COX7B2: variants seen among roughly 807,000 people sequenced by gnomAD.
COX7B2 encodes the protein cytochrome c oxidase subunit 7B2, also known as cytochrome c oxidase subunit 7B2, mitochondrial.
For missense variants in COX7B2, 109 were observed against 95.9 expected, an observed-to-expected ratio of 1.14 and a Z score of -0.57; for synonymous variants, 37 against 32.1, an observed-to-expected ratio of 1.15 and a Z score of -0.51.
At position 46,765,496 on chromosome 4, in the gene COX7B2, C is replaced by T. The variant is rs1387557729; in HGVS notation, c.-49-30255G>A. Among the ~76,000 whole-genome samples the T allele has an allele frequency of 4.6e-5, 7 of 152,172 alleles. No individual in the cohort carries two copies. In the East Asian group the frequency reaches 5.8e-4, roughly 13 times the overall value. On this transcript the variant is annotated intron_variant, in intron 2 of 2. Transcript: ENST00000355591. ...CAAGCCAGTCTCCACAGACTGATGA[C>T]GTGGGCCTGTCCTCCAGACTCAAGT...
At chr4:46,780,719 C>T (rs1467071143) in intron 2 of COX7B2, among the ~76,000 whole-genome samples, 1 of 152,150 alleles carries the variant, frequency 6.6e-6, no homozygotes, top group Non-Finnish European at 1.5e-5. Context: ...CAGCATGCCT[C>T]CTTCTGTGCT....
chr4:46,816,051 G>A (rs541658426), intron 2 of COX7B2, among the ~76,000 whole-genome samples: 5 of 152,124 alleles, frequency 3.3e-5, no homozygotes, highest in African/African-American at 1.2e-4. Context: ...CACCAATGGT[G>A]GCCACTCTCG....
At chr4:46,744,686 A>G (rs1012988626) in intron 2 of COX7B2, among the ~76,000 whole-genome samples, 2 of 151,868 alleles carry the variant, frequency 1.3e-5, no homozygotes, top group African/African-American at 2.4e-5. Flanking sequence ...TTTAGGTAAA[A>G]GTATACAGGA....
chr4:46,803,728 C>CTTT (rs1273008115), intron 2 of COX7B2, among the ~76,000 whole-genome samples: 1 of 124,818 alleles, frequency 8.0e-6, no homozygotes, highest in African/African-American at 3.0e-5. Context: ...GCCTGGTTTA[C>CTTT]TTTCTTTTTT....
intron 2 of COX7B2, among the ~76,000 whole-genome samples, chr4:46,780,324 T>G (rs531896161): frequency 6.6e-6 from 1 of 152,258 alleles, no homozygotes; most frequent in East Asian, 1.9e-4. Flanking sequence ...GAGACCATCC[T>G]GGCTAACATG....
At chr4:46,842,888 A>G (rs192625026) in intron 2 of COX7B2, among the ~76,000 whole-genome samples, 5 of 152,216 alleles carry the variant, frequency 3.3e-5, no homozygotes, top group African/African-American at 1.2e-4. Context: ...TTACAGCAGC[A>G]TGATTTATAA....
At chr4:46,759,449 A>G (rs1715998253) in intron 2 of COX7B2, among the ~76,000 whole-genome samples, 2 of 152,124 alleles carry the variant, frequency 1.3e-5, no homozygotes, top group South Asian at 4.1e-4. Flanking sequence ...CAATCTATCC[A>G]TCAGACAAAG....
At chr4:46,886,406 A>G (rs1426250647) in intron 1 of COX7B2, among the ~76,000 whole-genome samples, 3 of 152,142 alleles carry the variant, frequency 2.0e-5, no homozygotes, top group African/African-American at 4.8e-5. Flanking sequence ...GAACTTTGCA[A>G]TTCTTTTCTT....
At chr4:46,804,522 T>C (rs1718868974) in intron 2 of COX7B2, among the ~76,000 whole-genome samples, 1 of 152,136 alleles carries the variant, frequency 6.6e-6, no homozygotes, top group Non-Finnish European at 1.5e-5. Flanking sequence ...CTAGATTAGC[T>C]AGATACAGAG....
intron 1 of COX7B2, among the ~76,000 whole-genome samples, chr4:46,851,732 T>G (rs1200860206): frequency 1.3e-5 from 2 of 152,116 alleles, no homozygotes; most frequent in African/African-American, 4.8e-5. Context: ...AAGAATATTG[T>G]TTTGTAAAAT....
intron 2 of COX7B2, among the ~76,000 whole-genome samples, chr4:46,817,125 T>C (rs1386458893): frequency 6.6e-6 from 1 of 152,208 alleles, no homozygotes; most frequent in East Asian, 1.9e-4. Flanking sequence ...GCCTCTGTTA[T>C]TCAAGCTAAA....
rs1383779736 is a variant in COX7B2, at chr4:46,895,444, C to T, written c.-105+13716G>A. ...ATAAGTGGGAGCTAAATGATGAGAA[C>T]TCATGGGCACAAAGAGGAGAACAAC... On this transcript the variant is annotated intron_variant, in intron 1 of 2. Coordinates refer to ENST00000355591, the MANE Select transcript of COX7B2 (RefSeq NM_130902.3). Among the ~76,000 whole-genome samples the T allele has an allele frequency of 4.6e-5, 7 of 152,114 alleles. No homozygotes were observed. The East Asian group carries it at 9.7e-4, about 21-fold the overall frequency.
intron 2 of COX7B2, among the ~76,000 whole-genome samples, chr4:46,798,856 T>C (rs935322061): frequency 1.3e-5 from 2 of 152,202 alleles, no homozygotes; most frequent in Admixed American, 6.5e-5. Flanking sequence ...TGCCCACGCC[T>C]GCTGCAATGC....
At chr4:46,817,160 T>C (rs1000800819) in intron 2 of COX7B2, among the ~76,000 whole-genome samples, 8 of 152,240 alleles carry the variant, frequency 5.3e-5, no homozygotes, top group African/African-American at 1.9e-4. Flanking sequence ...CCAGTTACTG[T>C]TCTTTGCTAG....
chr4:46,887,306 G>A (rs912529369), intron 1 of COX7B2, among the ~76,000 whole-genome samples: 3 of 152,192 alleles, frequency 2.0e-5, no homozygotes, highest in African/African-American at 7.2e-5. Flanking sequence ...TTTGACAACT[G>A]TGAGAAAACA....
At chr4:46,873,380 G>T (rs1015991826) in intron 1 of COX7B2, among the ~76,000 whole-genome samples, 1 of 152,040 alleles carries the variant, frequency 6.6e-6, no homozygotes, top group Non-Finnish European at 1.5e-5. Flanking sequence ...CTAGTTCTAG[G>T]TCCTTGAGGA....
At chr4:46,806,332 T>A (rs1266161831) in intron 2 of COX7B2, among the ~76,000 whole-genome samples, 1 of 151,848 alleles carries the variant, frequency 6.6e-6, no homozygotes, top group East Asian at 1.9e-4. Flanking sequence ...ACCTTCCATA[T>A]GATGAAAAAA....
intron 2 of COX7B2, among the ~76,000 whole-genome samples, chr4:46,741,492 C>G (rs1336385053): frequency 1.3e-5 from 2 of 152,022 alleles, no homozygotes; most frequent in Non-Finnish European, 2.9e-5. Context: ...GCTGTATATA[C>G]AGAAAGGTGT....
chr4:46,853,056 G>A (rs1287482452), intron 1 of COX7B2, among the ~76,000 whole-genome samples: 2 of 152,102 alleles, frequency 1.3e-5, no homozygotes, highest in Non-Finnish European at 2.9e-5. Flanking sequence ...TGTATTAAAT[G>A]TCTTTAACTA....
Sources: allele counts gnomAD v4.1 joint callset (sites outside exome capture counted in the v4.1 genomes callset), GRCh38; gene constraint gnomAD v4.1.1; transcripts MANE v1.5; gene names NCBI Gene and HGNC (gene_info 2026-07-23, HGNC 2026-07-21).